The following OBI1 variants were observed in gnomAD, a reference collection of about 807,000 sequenced individuals.
OBI1 encodes ORC ubiquitin ligase 1.
A neutral mutation model predicts 62.4 loss-of-function variants in OBI1; 59 were observed. The ratio of observed to expected loss-of-function variants is 0.95; its 90% CI spans 0.77 to 1.17. The LOEUF is 1.17. Ranked by LOEUF, OBI1 falls within the 50% of genes most tolerant of loss-of-function variation. OBI1 has a pLI of 0.00. For synonymous variants in OBI1, 302 were observed against 292.8 expected (o/e 1.03, Z -0.32); for missense variants, 875 against 830.9 (o/e 1.05, Z -0.65).
At chr13:78,626,033 A>T (rs982289780) in intron 5 of OBI1, among the ~76,000 whole-genome samples, 12 of 152,250 alleles carry the variant, frequency 7.9e-5, no homozygotes, top group Non-Finnish European at 1.5e-4. Flanking sequence ...CTAACTGCAC[A>T]GCTCAGAGTC....
chr13:78,647,931 T>A lies in OBI1; in HGVS notation c.73-2934A>T, dbSNP rs190217109. ...TAATCTGGAATAGATTTAAACTTCT[T>A]GGAGAAACTTAATTCTAAGCATTCA... On this transcript the variant is annotated intron_variant, in intron 1 of 5. Coordinates refer to ENST00000282003, the MANE Select transcript of OBI1 (RefSeq NM_024546.4). Among the ~76,000 whole-genome samples, 146 of 152,256 alleles carry A rather than the reference T, an allele frequency of 9.6e-4. 1 individual carries two copies. The highest frequency in any genetic ancestry group is 1.3e-3 in the Non-Finnish European group (88 of 68,024).
chr13:78,653,766 A>T (rs145595913), intron 1 of OBI1, among the ~76,000 whole-genome samples: 18 of 152,234 alleles, frequency 1.2e-4, no homozygotes, highest in African/African-American at 4.3e-4. Flanking sequence ...TCCTCCCCTC[A>T]CTAGAGACAA....
chr13:78,645,525 C>A (rs1185789218), intron 1 of OBI1, among the ~76,000 whole-genome samples: 1 of 152,178 alleles, frequency 6.6e-6, no homozygotes, highest in Non-Finnish European at 1.5e-5. Context: ...AAGGCATGAG[C>A]TTCACTCTCA....
At chr13:78,621,205 T>C (rs1240116445) in intron 5 of OBI1, among the ~76,000 whole-genome samples, 1 of 152,224 alleles carries the variant, frequency 6.6e-6, no homozygotes, top group Non-Finnish European at 1.5e-5. Flanking sequence ...GGTTCCAATA[T>C]GCACAAATTT....
chr13:78,614,400 A>G lies in OBI1; in HGVS notation c.*1180T>C, dbSNP rs1875170388. ...TCAGTGCACATTAAACAGCATACAT[A>G]CCCATTTTTAAAGACCTATATAGGC... On this transcript the variant is annotated 3_prime_UTR_variant, in exon 6 of 6. Transcript: ENST00000282003. 1 of 152,606 alleles carries G rather than the reference A, an allele frequency of 6.6e-6. No homozygotes were observed. The highest frequency in any genetic ancestry group is 2.1e-4 in the South Asian group (1 of 4,828). The allele number at this position is 152,606 out of a possible 1,614,324, so 9.5% of individuals were successfully genotyped here.
At chr13:78,654,442 T>A (rs1452784681) in intron 1 of OBI1, among the ~76,000 whole-genome samples, 1 of 152,172 alleles carries the variant, frequency 6.6e-6, no homozygotes, top group Non-Finnish European at 1.5e-5. Flanking sequence ...TCTTGGGAAC[T>A]GAGAGGCAAT....
In OBI1 at chr13:78,615,320, A is replaced by G. The variant is rs543550989; in HGVS notation, c.*260T>C. 83 of 319,426 alleles carry G rather than the reference A, an allele frequency of 2.6e-4. 1 individual carries two copies. Among genetic ancestry groups the G allele is most frequent in the African/African-American group, 1.6e-3 (76 of 46,708 alleles). The allele number at this position is 319,426 out of a possible 1,614,324, so 19.8% of individuals were successfully genotyped here. On this transcript the variant is annotated 3_prime_UTR_variant, in exon 6 of 6. Coordinates refer to ENST00000282003, the MANE Select transcript of OBI1 (RefSeq NM_024546.4). ...AACCAAAAACAAAACCAACCAACCA[A>G]CCAACCCCAAAACACAAAAATAACC...
intron 1 of OBI1, among the ~76,000 whole-genome samples, chr13:78,649,547 G>T (rs1876487417): frequency 6.6e-6 from 1 of 152,170 alleles, no homozygotes; most frequent in Admixed American, 6.5e-5. Context: ...GAAAGATGAA[G>T]AAGTGAAGAC....
At chr13:78,649,404 G>C (rs1358210688) in intron 1 of OBI1, among the ~76,000 whole-genome samples, 1 of 152,190 alleles carries the variant, frequency 6.6e-6, no homozygotes, top group Admixed American at 6.5e-5. Flanking sequence ...ATATTGATGT[G>C]AGATTGAGTT....
intron 4 of OBI1, 44 bp downstream of exon 4, chr13:78,638,776 CTTA>C (rs746028837): frequency 4.0e-5 from 61 of 1,527,138 alleles, no homozygotes; most frequent in Non-Finnish European, 5.3e-5. Context: ...TTTGAAGGTA[CTTA>C]TTTTAAAAAC....
At chr13:78,625,049 T>C (rs1194410860) in intron 5 of OBI1, among the ~76,000 whole-genome samples, 1 of 152,230 alleles carries the variant, frequency 6.6e-6, no homozygotes, top group Non-Finnish European at 1.5e-5. Context: ...ATATCTCATT[T>C]TGATTCCATG....
At chr13:78,649,093 TTAGCCATG>T (rs1255441008) in intron 1 of OBI1, among the ~76,000 whole-genome samples, 2 of 152,204 alleles carry the variant, frequency 1.3e-5, no homozygotes, top group African/African-American at 4.8e-5. Context: ...GAATTCTGTT[TTAGCCATG>T]CTAAATTTGT....
At chr13:78,643,359 CAG>C (rs996149051) in intron 2 of OBI1, among the ~76,000 whole-genome samples, 1 of 152,152 alleles carries the variant, frequency 6.6e-6, no homozygotes, top group African/African-American at 2.4e-5. Context: ...TGCAACACAG[CAG>C]AGAACCAGTC....
chr13:78,638,112 C>T (rs1409040211), intron 4 of OBI1, among the ~76,000 whole-genome samples: 1 of 152,174 alleles, frequency 6.6e-6, no homozygotes, highest in Non-Finnish European at 1.5e-5. Context: ...AACTTGAACT[C>T]AAGCTAAAGG....
At chr13:78,623,524 A>G (rs982393580) in intron 5 of OBI1, among the ~76,000 whole-genome samples, 2 of 152,228 alleles carry the variant, frequency 1.3e-5, no homozygotes, top group African/African-American at 2.4e-5. Context: ...ATGAGAAATG[A>G]GAAGCTTAAA....
chr13:78,656,959 A>G (rs1876730764), intron 1 of OBI1, among the ~76,000 whole-genome samples: 1 of 151,534 alleles, frequency 6.6e-6, no homozygotes, highest in Non-Finnish European at 1.5e-5. Context: ...CAAATTTTGT[A>G]TTTTTAGTAG....
At chr13:78,654,999 T>C (rs1022027672) in intron 1 of OBI1, among the ~76,000 whole-genome samples, 1 of 152,334 alleles carries the variant, frequency 6.6e-6, no homozygotes, top group African/African-American at 2.4e-5. Flanking sequence ...ACTGGACTCA[T>C]AGTCGAATGA....
rs1876531131 is a variant in OBI1, at chr13:78,651,115, A to G, written c.73-6118T>C. Among the ~76,000 whole-genome samples, 3 of 152,202 alleles carry G rather than the reference A, an allele frequency of 2.0e-5. No individual in the cohort carries two copies. The South Asian group carries it at 6.2e-4, about 32-fold the overall frequency. On this transcript the variant is annotated intron_variant, in intron 1 of 5. Transcript: ENST00000282003. ...CAGAGATGTTATAATTTGAAAAAAA[A>G]TGTACATCTCAGAATAGTCAAAACA...
rs770360405 is a variant in OBI1 at position 78,616,717 on chromosome 13, C to G, written c.1044G>C (p.Gln348His). The change falls in exon 6 of 6, where the codon CAG becomes CAC. Residue 348 changes from glutamine to histidine, a missense_variant. Coordinates refer to ENST00000282003, the MANE Select transcript of OBI1 (RefSeq NM_024546.4). ...CTGTCACATCTAACATTACTTCTAC[C>G]TGTTCTTGATATAGGTCTTTGTTCT... is the stretch of plus-strand genomic sequence containing the variant. ...CSKNKDLYQE[Q>H]VEVMLDVTDT... The G allele has an allele frequency of 1.9e-6, 3 of 1,614,194 alleles. No individual in the cohort carries two copies. In the South Asian group the frequency reaches 3.3e-5, roughly 18 times the overall value.
Sources: gnomAD v4.1 joint callset for allele counts (sites outside exome capture counted in the v4.1 genomes callset) on GRCh38, gnomAD v4.1.1 for gene constraint, MANE v1.5 for transcripts, NCBI Gene and HGNC (gene_info 2026-07-23, HGNC 2026-07-21) for gene names.